The following DZANK1 variants were observed in gnomAD, a reference collection of about 807,000 sequenced individuals.
DZANK1 encodes double zinc ribbon and ankyrin repeat-containing protein 1.
A neutral mutation model predicts 94.5 loss-of-function variants in DZANK1; 91 were observed. The observed-to-expected ratio is 0.96, with a 90% CI of 0.81 to 1.15. The LOEUF is 1.15. DZANK1 is among the 50% of genes most tolerant of loss of function. The probability of loss-of-function intolerance (pLI) is 0.00; values close to 1 mark genes in which losing one functional copy is unlikely to be tolerated. For synonymous variants in DZANK1, 312 were observed against 325.3 expected, an observed-to-expected ratio of 0.96 and a Z score of 0.44; for missense variants, 903 against 916.4, an observed-to-expected ratio of 0.99 and a Z score of 0.19.
At chr20:18,427,087 C>A in exon 10 of DZANK1, 1 of 1,611,588 alleles carries the variant, frequency 6.2e-7, no homozygotes, top group Non-Finnish European at 8.5e-7. Flanking sequence ...GAAGGCAGGG[C>A]CCCCTCACAG....
At chr20:18,390,562 C>T in intron 17 of DZANK1, 103 bp from the exon 18 acceptor site, 3 of 1,096,030 alleles carry the variant, frequency 2.7e-6, no homozygotes, top group Non-Finnish European at 4.1e-6. Context: ...GGACAGGTGA[C>T]TATGAGTGTG....
chr20:18,390,316 G>C (rs563349969), intron 18 of DZANK1, 63 bp downstream of exon 18: 1,043 of 1,480,016 alleles, frequency 7.0e-4, no homozygotes, highest in Admixed American at 1.4e-3. Flanking sequence ...TCATCTGAAG[G>C]AGACAGAGGT....
In DZANK1 at chr20:18,455,181, G is replaced by A. The variant is rs1290051319; in HGVS notation, c.378+66C>T. On this transcript the variant is annotated intron_variant, in intron 4 of 20. Coordinates refer to ENST00000262547, the Ensembl canonical transcript of DZANK1. ...GGTAAGGTAATAAAAGGCAAGATCTGCTCACTGAGAAAGAAGGAACCAAAA... is the reference window on the plus strand; with the variant it reads ...GGTAAGGTAATAAAAGGCAAGATCTACTCACTGAGAAAGAAGGAACCAAAA... 1.2e-5 allele frequency: 15 copies of A among 1,205,858 alleles called. No individual in the cohort carries two copies. In the Admixed American group the frequency reaches 1.7e-4, roughly 13 times the overall value. The allele number at this position is 1,205,858 out of a possible 1,614,324, so 74.7% of individuals were successfully genotyped here. A position where few individuals can be genotyped will look rare whatever the true frequency, so the allele number is the denominator to read the frequency against.
At chr20:18,427,486 C>T (rs1315554974) in intron 9 of DZANK1, among the ~76,000 whole-genome samples, 1 of 152,016 alleles carries the variant, frequency 6.6e-6, no homozygotes. Context: ...CCATGCCCAG[C>T]CTGAATGTAG....
At chr20:18,427,446 C>G (rs948398890) in intron 9 of DZANK1, among the ~76,000 whole-genome samples, 1 of 152,084 alleles carries the variant, frequency 6.6e-6, no homozygotes, top group African/African-American at 2.4e-5. Flanking sequence ...CTTCAGCCCC[C>G]TAAAGTGCTG....
chr20:18,412,845 A>G (rs1296907638), intron 12 of DZANK1: 1 of 1,613,802 alleles, frequency 6.2e-7, no homozygotes, highest in Non-Finnish European at 8.5e-7. Context: ...ACTGCCAGGC[A>G]CATCGGGGCC....
At chr20:18,440,274 C>A (rs1481981520) in intron 8 of DZANK1, among the ~76,000 whole-genome samples, 2 of 152,176 alleles carry the variant, frequency 1.3e-5, no homozygotes, top group Non-Finnish European at 2.9e-5. Flanking sequence ...CTTCTGCTAT[C>A]CCAATCTCAT....
chr20:18,447,905 T>C (rs938157899), intron 7 of DZANK1, among the ~76,000 whole-genome samples: 9 of 152,154 alleles, frequency 5.9e-5, no homozygotes, highest in African/African-American at 1.9e-4. Flanking sequence ...AAAAAATATA[T>C]ACCTATCATA....
intron 13 of DZANK1, among the ~76,000 whole-genome samples, chr20:18,404,939 T>C (rs1049568083): frequency 1.4e-5 from 2 of 142,060 alleles, no homozygotes; most frequent in East Asian, 4.3e-4. Context: ...TAGAAGAAAT[T>C]ATGATGCATT....
chr20:18,460,414 T>A, intron 2 of DZANK1, 108 bp from the exon 3 acceptor site: 2 of 878,012 alleles, frequency 2.3e-6, no homozygotes, highest in East Asian at 5.7e-5. Flanking sequence ...AGATTTAAAG[T>A]TGTGATTTAA....
At chr20:18,422,829 GGCTATTC>G (rs1289326106) in intron 10 of DZANK1, among the ~76,000 whole-genome samples, 2 of 95,816 alleles carry the variant, frequency 2.1e-5, no homozygotes, top group Non-Finnish European at 4.6e-5. Flanking sequence ...AAATTGATTT[GGCTATTC>G]AGGGTCTTTT....
chr20:18,390,859 T>C (rs986389354), intron 17 of DZANK1, among the ~76,000 whole-genome samples: 22 of 152,292 alleles, frequency 1.4e-4, no homozygotes, highest in African/African-American at 5.1e-4. Context: ...TCAGAAAATA[T>C]ACTCCCCTGA....
chr20:18,412,373 C>T (rs1009943824), intron 13 of DZANK1, among the ~76,000 whole-genome samples: 3 of 152,060 alleles, frequency 2.0e-5, no homozygotes, highest in African/African-American at 4.8e-5. Flanking sequence ...AACAACATGC[C>T]GTCACGACAA....
exon 21 of DZANK1, chr20:18,383,483 C>G (rs1262094238): frequency 6.6e-6 from 1 of 152,120 alleles, no homozygotes; most frequent in Non-Finnish European, 1.5e-5. Context: ...TCAATCTTTA[C>G]ATAGTAATTA....
intron 4 of DZANK1, 181 bp from the exon 5 acceptor site, chr20:18,454,008 T>G: frequency 1.4e-6 from 1 of 708,828 alleles, no homozygotes; most frequent in Admixed American, 1.8e-5. Context: ...TGGACTGGGC[T>G]GCTCAGCTGG....
exon 16 of DZANK1, chr20:18,394,318 G>T (rs761062990): frequency 8.7e-5 from 141 of 1,613,638 alleles, no homozygotes; most frequent in Non-Finnish European, 1.1e-4. Flanking sequence ...GAAGGTGATC[G>T]CTGAAATTCA....
chr20:18,458,478 T>A (rs2148799575), intron 3 of DZANK1, among the ~76,000 whole-genome samples: 1 of 152,346 alleles, frequency 6.6e-6, no homozygotes, highest in East Asian at 1.9e-4. Flanking sequence ...TAGAATTTTT[T>A]TCTCCATCTT....
At chr20:18,437,014 CTT>C (rs1348594112) in intron 8 of DZANK1, among the ~76,000 whole-genome samples, 1 of 152,104 alleles carries the variant, frequency 6.6e-6, no homozygotes, top group African/African-American at 2.4e-5. Flanking sequence ...TCAGGCATGC[CTT>C]ACAAGAAAAA....
chr20:18,393,455 G>A (rs888500826), intron 17 of DZANK1, among the ~76,000 whole-genome samples: 2 of 152,126 alleles, frequency 1.3e-5, no homozygotes, highest in African/African-American at 2.4e-5. Context: ...AACCAAAGTC[G>A]AAAGATAGGC....
Sources: gnomAD v4.1 joint callset for allele counts (sites outside exome capture counted in the v4.1 genomes callset) on GRCh38, gnomAD v4.1.1 for gene constraint, MANE v1.5 for transcripts, NCBI Gene and HGNC (gene_info 2026-07-23, HGNC 2026-07-21) for gene names.